STK40: variants seen among roughly 807,000 people sequenced by gnomAD.
STK40 encodes the protein serine/threonine kinase 40, also known as serine/threonine-protein kinase 40.
A neutral mutation model predicts 47.9 loss-of-function variants in STK40; 13 were observed. That is an observed-to-expected ratio of 0.27 (90% CI 0.18 to 0.43). The LOEUF is 0.43. Ranked by LOEUF, STK40 falls within the 20% of genes least tolerant of loss-of-function variation. The probability of loss-of-function intolerance (pLI) is 1.00; values close to 1 mark genes in which losing one functional copy is unlikely to be tolerated. For synonymous variants in STK40, 225 were observed against 243.2 expected (o/e 0.93, Z 0.69); for missense variants, 460 against 595.1 (o/e 0.77, Z 2.36).
chr1:36,342,006 GAT>G, intron 10 of STK40, 33 bp from the exon 11 acceptor site: 1 of 1,576,468 alleles, frequency 6.3e-7, no homozygotes, highest in Non-Finnish European at 8.6e-7. Flanking sequence ...AGGAGACAAA[GAT>G]AAACCCAGAT....
At chr1:36,343,251 C>A (rs776439900) in intron 10 of STK40, 113 bp downstream of exon 10, 2 of 1,202,772 alleles carry the variant, frequency 1.7e-6, no homozygotes, top group Non-Finnish European at 2.4e-6. Context: ...GGGAAGAAGA[C>A]CAAGGAAACT....
intron 1 of STK40, among the ~76,000 whole-genome samples, chr1:36,383,445 C>T (rs1647057903): frequency 6.6e-6 from 1 of 152,194 alleles, no homozygotes; most frequent in Non-Finnish European, 1.5e-5. Flanking sequence ...AAGCCCAGGC[C>T]AATGCAGGAG....
At chr1:36,362,778 T>C (rs1646863951) in intron 1 of STK40, 2 of 152,236 alleles carry the variant, frequency 1.3e-5, no homozygotes, top group South Asian at 4.1e-4. Context: ...TGACTGTGTG[T>C]ATGCTTATAT....
At chr1:36,377,862 C>A (rs1647005168) in intron 1 of STK40, among the ~76,000 whole-genome samples, 1 of 152,186 alleles carries the variant, frequency 6.6e-6, no homozygotes, top group Non-Finnish European at 1.5e-5. Flanking sequence ...CTGGGCCTTG[C>A]TGGAGCTGGC....
chr1:36,355,512 A>G lies in STK40; in HGVS notation c.343-79T>C, dbSNP rs886994970. Reference sequence around the variant, plus strand: ...GCCAGGGCCTGGGACTCTCCTCTGGAGTGGGACACTCAAACCAGTGAGGGA... The same window carrying G: ...GCCAGGGCCTGGGACTCTCCTCTGGGGTGGGACACTCAAACCAGTGAGGGA... On this transcript the variant is annotated intron_variant, in intron 4 of 10. Transcript: ENST00000373132. The G allele has an allele frequency of 4.2e-6, 6 of 1,443,958 alleles. No homozygotes were observed. The African/African-American group carries it at 8.4e-5, about 20-fold the overall frequency. The allele number at this position is 1,443,958 out of a possible 1,614,324, so 89.4% of individuals were successfully genotyped here.
chr1:36,374,676 T>C (rs1048208876), intron 1 of STK40, among the ~76,000 whole-genome samples: 1 of 152,170 alleles, frequency 6.6e-6, no homozygotes, highest in Non-Finnish European at 1.5e-5. Flanking sequence ...GGCCTCTCCA[T>C]CCAGAGAGGT....
At chr1:36,345,970 T>TAC in intron 7 of STK40, among the ~76,000 whole-genome samples, 6 of 18,056 alleles carry the variant, frequency 3.3e-4, no homozygotes, top group African/African-American at 7.7e-4. Context: ...GGGCATTACA[T>TAC]ATATATATAT....
intron 7 of STK40, among the ~76,000 whole-genome samples, chr1:36,346,477 C>T (rs185702938): frequency 2.6e-5 from 4 of 152,326 alleles, no homozygotes; most frequent in Admixed American, 2.6e-4. Context: ...CATGCCCATG[C>T]TGGGCACATG....
At position 36,356,261 on chromosome 1, in the gene STK40, A is replaced by C. The variant is rs543646715; in HGVS notation, c.343-828T>G. ...GATGGACACAATGGTAGCAAACTCT[A>C]GACCCATTTTCCTTGCTGAAAGGTA... On this transcript the variant is annotated intron_variant, in intron 4 of 10. Coordinates refer to ENST00000373132, the MANE Select transcript of STK40 (RefSeq NM_001282547.2). Among the ~76,000 whole-genome samples, 5 of 152,278 alleles carry C rather than the reference A, an allele frequency of 3.3e-5. No homozygotes were observed. In the East Asian group the frequency reaches 9.6e-4, roughly 29 times the overall value.
At chr1:36,361,150 G>T in intron 2 of STK40, 71 bp downstream of exon 2, 1 of 1,575,746 alleles carries the variant, frequency 6.3e-7, no homozygotes, top group Non-Finnish European at 8.7e-7. Context: ...CTGTAGGTCA[G>T]ATCATGCGAG....
chr1:36,343,051 G>C (rs1646669021), intron 10 of STK40: 1 of 601,770 alleles, frequency 1.7e-6, no homozygotes, highest in African/African-American at 1.9e-5. Context: ...TCTGAGTCAG[G>C]GGGCAGAGAA....
intron 5 of STK40, among the ~76,000 whole-genome samples, chr1:36,354,654 G>A (rs1646786599): frequency 6.6e-6 from 1 of 152,168 alleles, no homozygotes; most frequent in Non-Finnish European, 1.5e-5. Context: ...AGCTTCTTTA[G>A]CTCTTTCTCC....
chr1:36,371,469 G>C (rs924744715), intron 1 of STK40, among the ~76,000 whole-genome samples: 10 of 151,678 alleles, frequency 6.6e-5, no homozygotes, highest in African/African-American at 2.4e-4. Flanking sequence ...CAGGAGAATG[G>C]CGTGAACCCA....
intron 4 of STK40, among the ~76,000 whole-genome samples, chr1:36,357,780 C>G (rs920593311): frequency 1.6e-4 from 24 of 152,074 alleles, no homozygotes; most frequent in African/African-American, 5.8e-4. Context: ...CCATGCCCAG[C>G]TAATTTTTGT....
chr1:36,352,125 C>T (rs1401354811), intron 6 of STK40, among the ~76,000 whole-genome samples: 1 of 152,200 alleles, frequency 6.6e-6, no homozygotes, highest in Non-Finnish European at 1.5e-5. Context: ...GGGCTCCCCA[C>T]CACCTCCTCT....
At chr1:36,374,532 C>T (rs978944498) in intron 1 of STK40, among the ~76,000 whole-genome samples, 1 of 152,248 alleles carries the variant, frequency 6.6e-6, no homozygotes, top group African/African-American at 2.4e-5. Context: ...GCATTGCCAG[C>T]CCTGCCACCA....
chr1:36,363,164 A>T (rs1488256776), intron 1 of STK40, among the ~76,000 whole-genome samples: 1 of 151,988 alleles, frequency 6.6e-6, no homozygotes, highest in Admixed American at 6.6e-5. Context: ...CAAAAAAAAA[A>T]TTAGCTGGGC....
intron 1 of STK40, among the ~76,000 whole-genome samples, chr1:36,381,094 C>T (rs932480507): frequency 1.3e-5 from 2 of 152,146 alleles, no homozygotes; most frequent in African/African-American, 2.4e-5. Flanking sequence ...CTCATCTCTG[C>T]TCTTCTTCTC....
intron 1 of STK40, among the ~76,000 whole-genome samples, chr1:36,378,086 G>C (rs1046850825): frequency 6.6e-6 from 1 of 152,232 alleles, no homozygotes; most frequent in Non-Finnish European, 1.5e-5. Flanking sequence ...CTGCATGGTT[G>C]CAAGTCTCCT....
Sources: allele counts gnomAD v4.1 joint callset (sites outside exome capture counted in the v4.1 genomes callset), GRCh38; gene constraint gnomAD v4.1.1; transcripts MANE v1.5; gene names NCBI Gene and HGNC (gene_info 2026-07-23, HGNC 2026-07-21).